The following PTPRT variants were observed in gnomAD, a reference collection of about 807,000 sequenced individuals.
The protein encoded by PTPRT is protein tyrosine phosphatase receptor type T.
PTPRT carries 56 observed loss-of-function variants against 176.8 expected under a neutral mutation model. The ratio of observed to expected loss-of-function variants is 0.32; its 90% CI spans 0.26 to 0.40. The LOEUF (loss-of-function observed/expected upper bound fraction) is 0.40, where lower values mean the gene tolerates loss of function less well. PTPRT is among the 10% of genes least tolerant of loss of function. The pLI, the probability that PTPRT is intolerant of heterozygous loss-of-function variation, is 1.00. For missense variants in PTPRT, 1,540 were observed against 1,908.2 expected, an observed-to-expected ratio of 0.81 and a Z score of 3.60; for synonymous variants, 783 against 739.0, an observed-to-expected ratio of 1.06 and a Z score of -0.96.
chr20:42,089,995 A>C lies in PTPRT; in HGVS notation c.3847-4142T>G, dbSNP rs528355826. Among the ~76,000 whole-genome samples the C allele has an allele frequency of 3.0e-4, 45 of 152,272 alleles. No individual in the cohort carries two copies. In the South Asian group the frequency reaches 8.5e-3, roughly 29 times the overall value. ...TTGGTTTGCTTATGTTGTGTAGCAAAAGGTGCGAAAATGCATTGGGGTTTC... is the reference window on the plus strand; with the variant it reads ...TTGGTTTGCTTATGTTGTGTAGCAACAGGTGCGAAAATGCATTGGGGTTTC... On this transcript the variant is annotated intron_variant, in intron 27 of 30. Transcript: ENST00000373187.
rs1982550699 is a variant in PTPRT, at chr20:42,074,168, T to G, written c.*6711A>C. The stretch of plus-strand genomic sequence containing the variant: ...TGCCCTCTAAGCCTCCAGACTGCCC[T>G]GGGGCCTTTGACCCAAAGAACACCT... On this transcript the variant is annotated 3_prime_UTR_variant, in exon 31 of 31. Coordinates refer to ENST00000373187, the MANE Select transcript of PTPRT (RefSeq NM_007050.6). The G allele has an allele frequency of 4.4e-6, 1 of 228,436 alleles. No homozygotes were observed. Among genetic ancestry groups the G allele is most frequent in the Admixed American group, 5.7e-5 (1 of 17,636 alleles). The allele number at this position is 228,436 out of a possible 1,614,324, so 14.2% of individuals were successfully genotyped here. A position where few individuals can be genotyped will look rare whatever the true frequency, so the allele number is the denominator to read the frequency against.
chr20:42,984,129 C>A (rs1476074773), intron 1 of PTPRT, among the ~76,000 whole-genome samples: 1 of 152,248 alleles, frequency 6.6e-6, no homozygotes, highest in Admixed American at 6.5e-5. Context: ...TGTGCACAAG[C>A]ACACAGCTCC....
At chr20:42,824,321 G>GT (rs142617961) in intron 2 of PTPRT, among the ~76,000 whole-genome samples, 12 of 150,972 alleles carry the variant, frequency 7.9e-5, no homozygotes, top group South Asian at 4.2e-4. Context: ...GTTTTGTTTT[G>GT]TTTTTTTTCA....
chr20:42,241,325 A>G (rs1164465627), intron 14 of PTPRT, among the ~76,000 whole-genome samples: 1 of 152,100 alleles, frequency 6.6e-6, no homozygotes, highest in African/African-American at 2.4e-5. Context: ...GGGAATTTTT[A>G]GGTAGATGGA....
At chr20:43,064,142 C>A (rs1332734900) in intron 1 of PTPRT, among the ~76,000 whole-genome samples, 2 of 152,148 alleles carry the variant, frequency 1.3e-5, no homozygotes, top group Non-Finnish European at 2.9e-5. Context: ...GGATCCCTTG[C>A]AGTTAATTCC....
At chr20:42,531,223 A>T (rs1205831800) in intron 7 of PTPRT, among the ~76,000 whole-genome samples, 2 of 152,198 alleles carry the variant, frequency 1.3e-5, no homozygotes, top group East Asian at 1.9e-4. Context: ...ATGTTTTGCA[A>T]TGAGTTACTA....
chr20:42,568,997 G>A (rs1214866223), intron 7 of PTPRT, among the ~76,000 whole-genome samples: 6 of 128,934 alleles, frequency 4.7e-5, no homozygotes, highest in African/African-American at 1.8e-4. Context: ...GCAGTGAGCC[G>A]AGATCGTGCC....
chr20:42,388,043 C>A (rs183062808), intron 9 of PTPRT, among the ~76,000 whole-genome samples: 1 of 152,132 alleles, frequency 6.6e-6, no homozygotes, highest in Admixed American at 6.6e-5. Flanking sequence ...CCCACCTTGG[C>A]CTCCCAAAGT....
At chr20:42,953,310 C>T (rs1323971877) in intron 1 of PTPRT, among the ~76,000 whole-genome samples, 2 of 152,184 alleles carry the variant, frequency 1.3e-5, no homozygotes, top group East Asian at 3.9e-4. Context: ...TGGCCATCCA[C>T]AGTGTGCAGA....
intron 7 of PTPRT, among the ~76,000 whole-genome samples, chr20:42,612,742 T>C (rs917297887): frequency 6.6e-6 from 1 of 151,692 alleles, no homozygotes; most frequent in Non-Finnish European, 1.5e-5. Context: ...ATTGAAAATA[T>C]ACACTGAATC....
At chr20:42,292,873 G>A (rs971416917) in intron 12 of PTPRT, among the ~76,000 whole-genome samples, 5 of 152,320 alleles carry the variant, frequency 3.3e-5, no homozygotes, top group African/African-American at 7.2e-5. Flanking sequence ...GATAATGCAT[G>A]AGGAATGCCT....
intron 7 of PTPRT, among the ~76,000 whole-genome samples, chr20:42,581,935 G>T (rs1055952377): frequency 6.6e-6 from 1 of 152,114 alleles, no homozygotes; most frequent in African/African-American, 2.4e-5. Context: ...TGGTCTAAAG[G>T]AATAACTGAA....
intron 13 of PTPRT, among the ~76,000 whole-genome samples, chr20:42,254,452 T>C (rs913701132): frequency 2.6e-5 from 4 of 152,248 alleles, no homozygotes; most frequent in Admixed American, 1.3e-4. Flanking sequence ...GTTCCAGAGA[T>C]TATTGACTTT....
chr20:42,644,348 T>A (rs1272429395), intron 7 of PTPRT, among the ~76,000 whole-genome samples: 1 of 152,098 alleles, frequency 6.6e-6, no homozygotes, highest in Non-Finnish European at 1.5e-5. Context: ...GTCCCTGAGA[T>A]GAAATACCTG....
rs377383463 is a variant in PTPRT, at chr20:42,665,781, C to G, written c.1153+12085G>C. The stretch of plus-strand genomic sequence containing the variant: ...TGCAGCCATAAAAAATGATGAGTTC[C>G]TGTCCTTTGTAGGGACATGGATGAA... On this transcript the variant is annotated intron_variant, in intron 7 of 30. Coordinates refer to ENST00000373187, the MANE Select transcript of PTPRT (RefSeq NM_007050.6). Among the ~76,000 whole-genome samples, 17 of 152,170 alleles carry G rather than the reference C, an allele frequency of 1.1e-4. No homozygotes were observed. The South Asian group carries it at 2.9e-3, about 26-fold the overall frequency.
At chr20:42,937,140 G>T (rs976954344) in intron 1 of PTPRT, among the ~76,000 whole-genome samples, 2 of 152,314 alleles carry the variant, frequency 1.3e-5, no homozygotes, top group Admixed American at 6.5e-5. Flanking sequence ...CTCAAGTCTT[G>T]CTATATAGGC....
intron 1 of PTPRT, among the ~76,000 whole-genome samples, chr20:42,914,952 G>A (rs529450112): frequency 6.6e-5 from 10 of 151,602 alleles, no homozygotes; most frequent in Admixed American, 6.6e-4. Context: ...ATGACGCTAG[G>A]GTACCCTTTA....
chr20:42,119,902 C>G (rs1181647993), intron 20 of PTPRT, 33 bp downstream of exon 20: 2 of 1,593,816 alleles, frequency 1.3e-6, no homozygotes, highest in South Asian at 2.2e-5. Flanking sequence ...CCTGAAGCCT[C>G]TCTGAGGCAC....
chr20:42,517,271 C>G (rs1045047906), intron 7 of PTPRT, among the ~76,000 whole-genome samples: 1 of 151,742 alleles, frequency 6.6e-6, no homozygotes, highest in African/African-American at 2.4e-5. Flanking sequence ...TTCTACAATT[C>G]ACTCATTTCA....
Sources: gnomAD v4.1 joint callset for allele counts (sites outside exome capture counted in the v4.1 genomes callset) on GRCh38, gnomAD v4.1.1 for gene constraint, MANE v1.5 for transcripts, NCBI Gene and HGNC (gene_info 2026-07-23, HGNC 2026-07-21) for gene names.